Variants in PDE7B observed in about 807,000 individuals in gnomAD.
The protein encoded by PDE7B is 3',5'-cyclic-AMP phosphodiesterase 7B.
Under a neutral mutation model 56.2 loss-of-function variants are expected in PDE7B, and 29 were observed. That is an observed-to-expected ratio of 0.52 (90% CI 0.38 to 0.70). PDE7B has a LOEUF of 0.70. Ranked by LOEUF, PDE7B falls within the 30% of genes least tolerant of loss-of-function variation. The pLI is 0.00. For missense variants in PDE7B, 490 were observed against 565.0 expected, an observed-to-expected ratio of 0.87 and a Z score of 1.35; for synonymous variants, 197 against 196.9, an observed-to-expected ratio of 1.00 and a Z score of 0.00.
chr6:136,019,625 A>T (rs1776036657), intron 2 of PDE7B, among the ~76,000 whole-genome samples: 1 of 152,224 alleles, frequency 6.6e-6, no homozygotes, highest in Admixed American at 6.6e-5. Flanking sequence ...GCCTCTGCAT[A>T]GTGGAAAATC....
intron 3 of PDE7B, 129 bp downstream of exon 3, chr6:136,108,943 A>G (rs774046203): frequency 1.5e-5 from 10 of 682,564 alleles, no homozygotes; most frequent in Non-Finnish European, 2.1e-5. Context: ...TCTTCTGCCA[A>G]CTAGAACTTA....
At chr6:135,964,190 G>A (rs10457646) in intron 2 of PDE7B, among the ~76,000 whole-genome samples, 44,746 of 151,446 alleles carry the variant, frequency 0.3, 8,155 homozygotes, top group Admixed American at 0.48. Context: ...TGCGACCTCC[G>A]CCACGAGGGT....
At chr6:136,093,701 G>A (rs1399204862) in intron 2 of PDE7B, among the ~76,000 whole-genome samples, 3 of 152,202 alleles carry the variant, frequency 2.0e-5, no homozygotes, top group Non-Finnish European at 4.4e-5. Context: ...TGAGCAGAGA[G>A]AGAAGGGGGC....
At chr6:136,073,333 T>A (rs772895224) in intron 2 of PDE7B, among the ~76,000 whole-genome samples, 1 of 152,188 alleles carries the variant, frequency 6.6e-6, no homozygotes, top group South Asian at 2.1e-4. Flanking sequence ...TAAGTAAAAG[T>A]GAATATTTTC....
intron 1 of PDE7B, among the ~76,000 whole-genome samples, chr6:135,912,652 A>T (rs1418007785): frequency 1.3e-5 from 2 of 152,180 alleles, no homozygotes; most frequent in African/African-American, 2.4e-5. Flanking sequence ...CATTCCAGAA[A>T]AGGAAAATAA....
chr6:136,028,545 TC>T (rs1776189439), intron 2 of PDE7B, among the ~76,000 whole-genome samples: 1 of 152,238 alleles, frequency 6.6e-6, no homozygotes, highest in East Asian at 1.9e-4. Context: ...GGTCTGTATT[TC>T]TTTCTGGAGG....
intron 11 of PDE7B, among the ~76,000 whole-genome samples, chr6:136,182,287 C>A (rs73777474): frequency 0.1 from 15,287 of 152,132 alleles, 2,528 homozygotes; most frequent in African/African-American, 0.35. Flanking sequence ...GTAACTCCTA[C>A]AATTCTGTAT....
intron 2 of PDE7B, among the ~76,000 whole-genome samples, chr6:136,062,266 C>A (rs1398538045): frequency 1.3e-5 from 2 of 152,076 alleles, no homozygotes; most frequent in Non-Finnish European, 2.9e-5. Flanking sequence ...AAGTAGACAA[C>A]ATGATGTTTT....
At chr6:136,077,766 C>T (rs1777147088) in intron 2 of PDE7B, among the ~76,000 whole-genome samples, 1 of 152,078 alleles carries the variant, frequency 6.6e-6, no homozygotes, top group African/African-American at 2.4e-5. Context: ...GTTCTATCAA[C>T]CCTGGATTTT....
chr6:135,912,540 A>G (rs1310236565), intron 1 of PDE7B, among the ~76,000 whole-genome samples: 1 of 152,098 alleles, frequency 6.6e-6, no homozygotes, highest in South Asian at 2.1e-4. Flanking sequence ...AAGGGACTAT[A>G]TTTCTAAATG....
chr6:135,939,450 A>G (rs566391195), intron 1 of PDE7B, among the ~76,000 whole-genome samples: 1 of 152,266 alleles, frequency 6.6e-6, no homozygotes, highest in South Asian at 2.1e-4. Flanking sequence ...ACAGCCTGCA[A>G]TGGGATAGAA....
chr6:136,155,449 TC>T (rs1778587471), intron 7 of PDE7B, among the ~76,000 whole-genome samples, 177 bp from the exon 8 acceptor site: 1 of 152,230 alleles, frequency 6.6e-6, no homozygotes, highest in Non-Finnish European at 1.5e-5. Context: ...CACAGTCCTT[TC>T]CTTTTTGCCT....
intron 2 of PDE7B, chr6:136,012,839 A>G (rs542624577): frequency 6.6e-6 from 1 of 152,376 alleles, no homozygotes; most frequent in African/African-American, 2.4e-5. Context: ...CTAATATGAA[A>G]GTAATTTCCC....
chr6:135,962,494 T>C (rs1774919827), intron 2 of PDE7B, among the ~76,000 whole-genome samples: 1 of 152,224 alleles, frequency 6.6e-6, no homozygotes. Context: ...TTTCCCTTTT[T>C]TTGTCTCTTT....
intron 2 of PDE7B, among the ~76,000 whole-genome samples, chr6:136,025,502 A>G (rs1583834871): frequency 6.6e-6 from 1 of 152,198 alleles, no homozygotes; most frequent in Non-Finnish European, 1.5e-5. Context: ...AGGAATGCAA[A>G]AAGTAGTTGA....
In PDE7B at chr6:135,863,492, A is replaced by G. The variant is rs77890561; in HGVS notation, c.21+11473A>G. Among the ~76,000 whole-genome samples the G allele has an allele frequency of 4.3e-4, 65 of 152,198 alleles. 2 individuals are homozygous for G. The East Asian group carries it at 0.013, about 29-fold the overall frequency. On this transcript the variant is annotated intron_variant, in intron 1 of 12. Coordinates refer to ENST00000308191, the MANE Select transcript of PDE7B (RefSeq NM_018945.4). ...TTTGTGACCTAAAAAGGTTCAGCAC[A>G]TAAACAGATATTCAGTCAAGTTGGC...
intron 1 of PDE7B, among the ~76,000 whole-genome samples, chr6:135,887,266 C>A (rs1775726481): frequency 6.6e-6 from 1 of 152,036 alleles, no homozygotes; most frequent in Non-Finnish European, 1.5e-5. Flanking sequence ...GATACTAGTC[C>A]TTTGTTGAAT....
At chr6:136,027,531 TA>T (rs1353273541) in intron 2 of PDE7B, among the ~76,000 whole-genome samples, 1 of 152,210 alleles carries the variant, frequency 6.6e-6, no homozygotes. Flanking sequence ...TTCTATTTTT[TA>T]AAGTGTGAAG....
chr6:136,087,924 A>C (rs1777319924), intron 2 of PDE7B, among the ~76,000 whole-genome samples: 1 of 152,206 alleles, frequency 6.6e-6, no homozygotes, highest in Non-Finnish European at 1.5e-5. Flanking sequence ...AAATAAAATA[A>C]ATAAGCAAAA....
Sources: allele counts gnomAD v4.1 joint callset (sites outside exome capture counted in the v4.1 genomes callset), GRCh38; gene constraint gnomAD v4.1.1; transcripts MANE v1.5; gene names NCBI Gene and HGNC (gene_info 2026-07-23, HGNC 2026-07-21).